The following ZMYM1 variants were observed in gnomAD, a reference collection of about 807,000 sequenced individuals.
ZMYM1 encodes zinc finger MYM-type protein 1.
In ZMYM1, 39 loss-of-function variants were observed where a neutral mutation model predicts 60.0. The observed-to-expected ratio is 0.65, with a 90% CI of 0.50 to 0.85. The LOEUF (loss-of-function observed/expected upper bound fraction) is 0.85. Among genes scored for constraint, ZMYM1 ranks in the 40% least tolerant of loss-of-function variants. The pLI is 0.00. For missense variants in ZMYM1, 1,171 were observed against 1,309.5 expected, an observed-to-expected ratio of 0.89 and a Z score of 1.63; for synonymous variants, 413 against 454.0, an observed-to-expected ratio of 0.91 and a Z score of 1.15.
chr1:35,118,521 C>G (rs1001408747), downstream of ZMYM1, among the ~76,000 whole-genome samples: 12 of 151,764 alleles, frequency 7.9e-5, no homozygotes, highest in African/African-American at 2.9e-4. Context: ...GTCAGGAGAT[C>G]GAGACCATGG....
intron 1 of ZMYM1, among the ~76,000 whole-genome samples, chr1:35,091,382 T>C (rs1468485046): frequency 6.6e-6 from 1 of 151,992 alleles, no homozygotes; most frequent in Non-Finnish European, 1.5e-5. Context: ...TGGCTAATCT[T>C]TTTTGTATTT....
chr1:35,093,638 C>G (rs186332768), intron 1 of ZMYM1, among the ~76,000 whole-genome samples: 1 of 152,152 alleles, frequency 6.6e-6, no homozygotes, highest in South Asian at 2.1e-4. Context: ...TAAAAATAAA[C>G]TTGTAAGTTT....
At chr1:35,081,040 C>G (rs1339615230) in intron 1 of ZMYM1, among the ~76,000 whole-genome samples, 1 of 151,952 alleles carries the variant, frequency 6.6e-6, no homozygotes, top group African/African-American at 2.4e-5. Context: ...ACCTCCAGTT[C>G]AAGTGATTCT....
chr1:35,060,158 ATTATT>A (rs1028001064), intron 1 of ZMYM1, among the ~76,000 whole-genome samples: 2 of 147,852 alleles, frequency 1.4e-5, no homozygotes, highest in Admixed American at 1.4e-4. Flanking sequence ...TATTATTATT[ATTATT>A]ATTATTATTA....
chr1:35,105,225 C>T lies in ZMYM1; in HGVS notation c.807+456C>T, dbSNP rs918253618. Among the ~76,000 whole-genome samples the T allele has an allele frequency of 2.7e-5, 4 of 146,600 alleles. 1 individual carries two copies. The highest frequency in any genetic ancestry group is 1.4e-4 in the Admixed American group (2 of 14,366). Reference sequence around the variant, plus strand: ...TCTCGGCTCACTGCAAGTTCTGCCTCGCGGGTTCATGCCATTCTCCTGCCT... The same window carrying T: ...TCTCGGCTCACTGCAAGTTCTGCCTTGCGGGTTCATGCCATTCTCCTGCCT... On this transcript the variant is annotated intron_variant, in intron 6 of 9. Coordinates refer to ENST00000359858, the MANE Select transcript of ZMYM1 (RefSeq NM_024772.5).
At chr1:35,092,372 A>C (rs1010024838) in intron 1 of ZMYM1, among the ~76,000 whole-genome samples, 1 of 149,614 alleles carries the variant, frequency 6.7e-6, no homozygotes, top group Non-Finnish European at 1.5e-5. Context: ...AGCTGAGATC[A>C]CAGGCACACA....
At chr1:35,078,537 A>ATTTTTTTTTT (rs751468260), upstream of ZMYM1, among the ~76,000 whole-genome samples, 673 of 82,210 alleles carry the variant, frequency 8.2e-3, 73 homozygotes, top group East Asian at 0.042. Context: ...GGTTATTTTA[A>ATTTTTTTTTT]TTTTTTTTTT....
intron 4 of ZMYM1, among the ~76,000 whole-genome samples, chr1:35,101,657 C>A (rs1363532111): frequency 1.3e-5 from 2 of 150,418 alleles, no homozygotes; most frequent in Admixed American, 6.7e-5. Flanking sequence ...CAAATTAATT[C>A]TTCTGTGGTC....
chr1:35,104,535 G>T (rs764472719), intron 5 of ZMYM1, 22 bp from the exon 6 acceptor site: 10 of 1,612,486 alleles, frequency 6.2e-6, no homozygotes, highest in Non-Finnish European at 8.5e-6. Flanking sequence ...AGTTTTTACT[G>T]AATCTTTTTA....
At chr1:35,112,264 G>T in intron 9 of ZMYM1, 134 bp downstream of exon 9, 3 of 806,182 alleles carry the variant, frequency 3.7e-6, no homozygotes, top group South Asian at 3.5e-5. Flanking sequence ...TGCAACCTTT[G>T]CCTCCTGGGT....
At chr1:35,065,185 G>T (rs1641953092) in intron 1 of ZMYM1, among the ~76,000 whole-genome samples, 1 of 151,818 alleles carries the variant, frequency 6.6e-6, no homozygotes, top group African/African-American at 2.4e-5. Flanking sequence ...TGCCACCCCT[G>T]AGATAGCTAG....
intron 1 of ZMYM1, among the ~76,000 whole-genome samples, chr1:35,060,733 A>G (rs1641858927): frequency 6.6e-6 from 1 of 152,190 alleles, no homozygotes; most frequent in African/African-American, 2.4e-5. Flanking sequence ...GAGCAAGATC[A>G]GGCAGAGTTT....
At position 35,104,571 on chromosome 1, in the gene ZMYM1, A is replaced by C. The variant is rs1643819666; in HGVS notation, c.609A>C (p.Val203=). 6.2e-7 allele frequency: 1 copy of C among 1,614,046 alleles called. No individual in the cohort carries two copies. Among genetic ancestry groups the C allele is most frequent in the Non-Finnish European group, 8.5e-7 (1 of 1,180,018 alleles). ...TTAAATCCTAGATTCAGTATGAAGT[A>C]AAATACCAAAATGTGAAACATAATC... ...CQKTAIIQYE[V]KYQNVKHNLC... is the part of the protein sequence containing the mutation. Residue 203 remains valine (V), a synonymous_variant, in exon 6 of 10, where the codon GTA becomes GTC. Transcript: ENST00000359858.
Position 35,107,226 on chromosome 1 carries a change from T to C in ZMYM1, c.807+2457T>C, listed in dbSNP as rs368938995. 1.8e-3 allele frequency among the ~76,000 whole-genome samples: 253 copies of C among 143,450 alleles called. 3 individuals carry two copies. The highest frequency in any genetic ancestry group is 5.5e-3 in the African/African-American group (216 of 38,946). 94.1% of individuals were successfully genotyped at this position (143,450 alleles called of 152,430 possible). A position where few individuals can be genotyped will look rare whatever the true frequency, so the allele number is the denominator to read the frequency against. On this transcript the variant is annotated intron_variant, in intron 6 of 9. Transcript: ENST00000359858. Reference sequence around the variant, plus strand: ...CTGTAATCCCAGCACTTTGGGAGGCTGAGGCGGGTGGATCACGAGGTCAGG... The same window carrying C: ...CTGTAATCCCAGCACTTTGGGAGGCCGAGGCGGGTGGATCACGAGGTCAGG...
chr1:35,103,661 T>G (rs961894949), intron 4 of ZMYM1, among the ~76,000 whole-genome samples: 9 of 152,324 alleles, frequency 5.9e-5, no homozygotes, highest in Middle Eastern at 3.4e-3. Flanking sequence ...TCAGTTTTTT[T>G]GGGTGTTTAC....
rs117014656 is a variant in ZMYM1 at position 35,086,575 on chromosome 1, G to A, written c.-75+7133G>A. Among the ~76,000 whole-genome samples the A allele has an allele frequency of 1.8e-3, 279 of 152,088 alleles. 11 individuals carry two copies. In the East Asian group the frequency reaches 0.048, roughly 26 times the overall value. On this transcript the variant is annotated intron_variant, in intron 1 of 9. Coordinates refer to ENST00000359858, the MANE Select transcript of ZMYM1 (RefSeq NM_024772.5). ...TAGTCTCTATATAAATTAGTTTTGAGATTATATGTCTGTGAATCTTATTCA... is the reference window on the plus strand; with the variant it reads ...TAGTCTCTATATAAATTAGTTTTGAAATTATATGTCTGTGAATCTTATTCA...
In ZMYM1 at chr1:35,113,806, T is replaced by A. The variant is rs983521809; in HGVS notation, c.1976T>A (p.Leu659His). 27 of 1,613,692 alleles carry A rather than the reference T, an allele frequency of 1.7e-5. No homozygotes were observed. The highest frequency in any genetic ancestry group is 2.0e-5 in the Non-Finnish European group (24 of 1,179,858). The change falls in exon 10 of 10, where the codon CTT becomes CAT. Residue 659 changes from leucine (L) to histidine (H), a missense_variant. By Grantham distance (99) the Leu-to-His change is moderately conservative. Transcript: ENST00000359858. The part of the protein sequence containing the change: ...ETINSAMKEQ[L>H]SICVRYPQKS... The stretch of plus-strand genomic sequence containing the variant: ...ATCAATAGTGCCATGAAAGAACAGC[T>A]TTCAATTTGTGTAAGATACCCACAA...
chr1:35,110,301 C>A lies in ZMYM1; in HGVS notation c.815C>A (p.Ala272Asp). The A allele has an allele frequency of 6.6e-7, 1 of 1,514,198 alleles. No homozygotes were observed. 93.8% of individuals were successfully genotyped at this position (1,514,198 alleles called of 1,614,324 possible). The change falls in exon 7 of 10, where the codon GCC (alanine) becomes GAC (aspartate). Residue 272 changes from alanine to aspartate, a missense_variant. Coordinates refer to ENST00000359858, the MANE Select transcript of ZMYM1 (RefSeq NM_024772.5). ...KSITAYKQKPAKPLISVPCKP... is the reference protein window; with the variant it reads ...KSITAYKQKPDKPLISVPCKP... ...ATTTTAATCTCTAAACAGAAACCTG[C>A]CAAACCACTTATATCTGTTCCTTGC...
intron 1 of ZMYM1, among the ~76,000 whole-genome samples, chr1:35,061,372 T>A (rs1641872815): frequency 6.6e-6 from 1 of 152,214 alleles, no homozygotes; most frequent in Non-Finnish European, 1.5e-5. Context: ...TTTGTTTCAA[T>A]GTTTAACCCA....
Sources: gnomAD v4.1 joint callset for allele counts (sites outside exome capture counted in the v4.1 genomes callset) on GRCh38, gnomAD v4.1.1 for gene constraint, MANE v1.5 for transcripts, NCBI Gene and HGNC (gene_info 2026-07-23, HGNC 2026-07-21) for gene names.